Variants in SRGAP1 observed in about 807,000 individuals in gnomAD.
SRGAP1 encodes SLIT-ROBO Rho GTPase activating protein 1.
In SRGAP1, 43 loss-of-function variants were observed where a neutral mutation model predicts 121.9. The ratio of observed to expected loss-of-function variants is 0.35; its 90% CI spans 0.28 to 0.46. SRGAP1 has a LOEUF of 0.46. Among genes scored for constraint, SRGAP1 ranks in the 20% least tolerant of loss-of-function variants. The probability of loss-of-function intolerance (pLI) is 1.00; values close to 1 mark genes in which losing one functional copy is unlikely to be tolerated. For missense variants in SRGAP1, 1,102 were observed against 1,350.9 expected (o/e 0.82, Z 2.89); for synonymous variants, 447 against 485.4 (o/e 0.92, Z 1.04).
chr12:63,874,655 C>T (rs1409674580), intron 1 of SRGAP1, among the ~76,000 whole-genome samples: 2 of 151,942 alleles, frequency 1.3e-5, no homozygotes, highest in African/African-American at 4.8e-5. Context: ...TTTTTAAAAG[C>T]TCCTTCTTTA....
intron 1 of SRGAP1, among the ~76,000 whole-genome samples, chr12:63,884,919 A>T (rs1900324241): frequency 6.6e-6 from 1 of 151,632 alleles, no homozygotes; most frequent in Non-Finnish European, 1.5e-5. Context: ...ACGGGGTTTC[A>T]CCGCATTAGC....
At chr12:63,986,553 A>G (rs1214830542) in intron 2 of SRGAP1, among the ~76,000 whole-genome samples, 1 of 151,954 alleles carries the variant, frequency 6.6e-6, no homozygotes, top group Non-Finnish European at 1.5e-5. Context: ...TCTCCCGAGT[A>G]GCAGGATTAC....
At chr12:63,923,276 T>A (rs2031136242) in intron 1 of SRGAP1, among the ~76,000 whole-genome samples, 2 of 152,240 alleles carry the variant, frequency 1.3e-5, no homozygotes, top group African/African-American at 4.8e-5. Context: ...GCTCCCAGCC[T>A]TATAGATAGA....
chr12:64,023,877 A>G (rs1251832596), intron 4 of SRGAP1, among the ~76,000 whole-genome samples: 1 of 152,208 alleles, frequency 6.6e-6, no homozygotes, highest in Non-Finnish European at 1.5e-5. Context: ...TTAGCTCAGG[A>G]TCATACAGAC....
chr12:64,043,571 T>C lies in SRGAP1; in HGVS notation c.797T>C (p.Ile266Thr). 6.3e-7 allele frequency: 1 copy of C among 1,599,036 alleles called. No homozygotes were observed. Among genetic ancestry groups the C allele is most frequent in the Non-Finnish European group, 8.5e-7 (1 of 1,174,580 alleles). ...KYYIHDLSDLIDCCDLGYHAS... is the reference protein window; with the variant it reads ...KYYIHDLSDLTDCCDLGYHAS... ...TATATTCATGATCTTTCTGATTTAA[T>C]TGATGTGAGTACTTGAAGTTTTTGT... The change falls in exon 6 of 22, where the codon ATT becomes ACT. Residue 266 changes from isoleucine (I) to threonine (T), a missense_variant. This residue lies in a region of SRGAP1 where 747 missense variants were observed against 929.4 expected (regional missense o/e 0.80). Coordinates refer to ENST00000355086, the MANE Select transcript of SRGAP1 (RefSeq NM_020762.4).
intron 1 of SRGAP1, 138 bp from the exon 2 acceptor site, chr12:63,983,800 ATATATATAT>A (rs2033323025): frequency 4.8e-3 from 4 of 826 alleles, no homozygotes; most frequent in South Asian, 0.042. Context: ...CATTTAAAAT[ATATATATAT>A]ATATATATAT....
rs74099394 is a variant in SRGAP1 at position 63,941,442 on chromosome 12, G to A, written c.68-42505G>A. Reference sequence around the variant, plus strand: ...ATCAGCTCAACTAGTAATGTATCTCGAGAATGTCTGTGATCCGTTTGATCT... The same window carrying A: ...ATCAGCTCAACTAGTAATGTATCTCAAGAATGTCTGTGATCCGTTTGATCT... On this transcript the variant is annotated intron_variant, in intron 1 of 21. Coordinates refer to ENST00000355086, the MANE Select transcript of SRGAP1 (RefSeq NM_020762.4). 7.1e-3 allele frequency among the ~76,000 whole-genome samples: 1,085 copies of A among 152,180 alleles called. 14 individuals are homozygous for A. The highest frequency in any genetic ancestry group is 0.023 in the African/African-American group (966 of 41,496).
chr12:64,075,713 G>A (rs1054279095), intron 8 of SRGAP1, among the ~76,000 whole-genome samples: 1 of 152,104 alleles, frequency 6.6e-6, no homozygotes, highest in African/African-American at 2.4e-5. Context: ...CCTCCTTAAA[G>A]TAATTAATTA....
intron 15 of SRGAP1, among the ~76,000 whole-genome samples, chr12:64,106,550 T>C (rs949664528): frequency 3.9e-5 from 6 of 152,216 alleles, no homozygotes; most frequent in African/African-American, 1.2e-4. Context: ...CTCTGTACAA[T>C]GTGGTTTTGC....
At chr12:63,967,319 A>G (rs1406780770) in intron 1 of SRGAP1, among the ~76,000 whole-genome samples, 1 of 152,152 alleles carries the variant, frequency 6.6e-6, no homozygotes, top group East Asian at 1.9e-4. Flanking sequence ...GCATGCACCT[A>G]TAGTCCCAGT....
intron 1 of SRGAP1, among the ~76,000 whole-genome samples, chr12:63,879,935 T>C (rs1900139383): frequency 6.6e-6 from 1 of 152,156 alleles, no homozygotes; most frequent in Non-Finnish European, 1.5e-5. Flanking sequence ...CCATCCATAA[T>C]GGGTTGATAT....
intron 4 of SRGAP1, among the ~76,000 whole-genome samples, chr12:64,017,307 A>G (rs2034430329): frequency 6.6e-6 from 1 of 152,212 alleles, no homozygotes; most frequent in Non-Finnish European, 1.5e-5. Context: ...TCCATAAGAT[A>G]TGTTTTTAAC....
intron 1 of SRGAP1, among the ~76,000 whole-genome samples, chr12:63,925,697 G>C (rs1043814980): frequency 1.3e-5 from 2 of 152,184 alleles, no homozygotes; most frequent in African/African-American, 4.8e-5. Context: ...ATTTTTCTAT[G>C]AAATTATTGA....
Position 63,984,074 on chromosome 12 carries a change from G to A in SRGAP1, c.195G>A (p.Arg65=). ...KKAEIETEYS[R]NLEKLAERFM... ...CTGAAATTGAGACGGAATATTCCCG[G>A]AATCTAGAGAAGTTAGCAGAAAGGT... is the stretch of plus-strand genomic sequence containing the variant. The change falls in exon 2 of 22, where the codon CGG becomes CGA. Residue 65 remains arginine (R), a synonymous_variant. Coordinates refer to ENST00000355086, the MANE Select transcript of SRGAP1 (RefSeq NM_020762.4). The A allele has an allele frequency of 6.5e-7, 1 of 1,543,456 alleles. No individual in the cohort carries two copies. The highest frequency in any genetic ancestry group is 8.8e-7 in the Non-Finnish European group (1 of 1,136,980).
chr12:64,112,068 C>T (rs2036438613), intron 17 of SRGAP1, 82 bp downstream of exon 17: 3 of 1,141,128 alleles, frequency 2.6e-6, no homozygotes, highest in Non-Finnish European at 3.8e-6. Flanking sequence ...GAAAGAGTTT[C>T]CCATAAGCCA....
At chr12:63,880,284 C>T (rs538800619) in intron 1 of SRGAP1, among the ~76,000 whole-genome samples, 1 of 152,122 alleles carries the variant, frequency 6.6e-6, no homozygotes, top group Admixed American at 6.6e-5. Flanking sequence ...CAGGCTGGAG[C>T]GTAGTGGAGC....
intron 15 of SRGAP1, among the ~76,000 whole-genome samples, chr12:64,104,100 T>C (rs1351508937): frequency 2.6e-5 from 4 of 152,212 alleles, no homozygotes; most frequent in Admixed American, 2.6e-4. Flanking sequence ...GGCAAACAAA[T>C]ACTTCTACAA....
chr12:63,955,876 T>C (rs2032448404), intron 1 of SRGAP1, among the ~76,000 whole-genome samples: 1 of 152,198 alleles, frequency 6.6e-6, no homozygotes, highest in Non-Finnish European at 1.5e-5. Context: ...TGGACCCATT[T>C]ACTGAAAATT....
At chr12:64,124,761 G>A (rs1014774429) in intron 18 of SRGAP1, among the ~76,000 whole-genome samples, 1 of 152,030 alleles carries the variant, frequency 6.6e-6, no homozygotes, top group Non-Finnish European at 1.5e-5. Context: ...AAGTCTAGCA[G>A]TTGATATCTT....
Sources: allele counts gnomAD v4.1 joint callset (sites outside exome capture counted in the v4.1 genomes callset), GRCh38; gene constraint gnomAD v4.1.1; regional missense constraint gnomAD v4.1.1; transcripts MANE v1.5; gene names NCBI Gene and HGNC (gene_info 2026-07-23, HGNC 2026-07-21).